The following WDR12 variants were observed in gnomAD, a reference collection of about 807,000 sequenced individuals.
WDR12 encodes the protein WD repeat domain 12.
A neutral mutation model predicts 64.3 loss-of-function variants in WDR12; 42 were observed. The observed-to-expected ratio is 0.65, with a 90% CI of 0.51 to 0.84. WDR12 has a LOEUF of 0.84. Ranked by LOEUF, WDR12 falls within the 40% of genes least tolerant of loss-of-function variation. The pLI is 0.00. For synonymous variants in WDR12, 158 were observed against 173.3 expected, an observed-to-expected ratio of 0.91 and a Z score of 0.70; for missense variants, 469 against 494.6, an observed-to-expected ratio of 0.95 and a Z score of 0.49.
At chr2:202,908,437 G>C (rs1186640910) in intron 1 of WDR12, among the ~76,000 whole-genome samples, 1 of 152,184 alleles carries the variant, frequency 6.6e-6, no homozygotes, top group African/African-American at 2.4e-5. Flanking sequence ...TCCAGCCTGG[G>C]TGACACAGCA....
intron 4 of WDR12, among the ~76,000 whole-genome samples, chr2:202,897,902 A>ATATAT (rs1258653444): frequency 2.7e-3 from 111 of 40,380 alleles, no homozygotes; most frequent in South Asian, 0.016. Flanking sequence ...AAAAAAAAAA[A>ATATAT]AAAAAAATAT....
intron 8 of WDR12, among the ~76,000 whole-genome samples, chr2:202,884,975 C>T (rs1296592334): frequency 6.6e-6 from 1 of 152,156 alleles, no homozygotes; most frequent in Non-Finnish European, 1.5e-5. Context: ...TTCTTCTTGC[C>T]TGTAGTTCTC....
chr2:202,895,994 C>A lies in WDR12; in HGVS notation c.609+71G>T, dbSNP rs548186142. 72 of 1,540,674 alleles carry A rather than the reference C, an allele frequency of 4.7e-5. No individual in the cohort carries two copies. In the East Asian group the frequency reaches 1.5e-3, roughly 33 times the overall value. ...ACTAGGCCAACACAATGAATATATG[C>A]AGAAGAAAATGTTTAGCAACAAGCT... On this transcript the variant is annotated intron_variant, in intron 6 of 12. Transcript: ENST00000261015.
intron 1 of WDR12, among the ~76,000 whole-genome samples, chr2:202,909,715 T>C (rs1688531632): frequency 6.6e-6 from 1 of 152,080 alleles, no homozygotes; most frequent in Non-Finnish European, 1.5e-5. Context: ...TGTGTGACAA[T>C]TATATTAGCC....
rs35649140 is a variant in WDR12, at chr2:202,890,770, C to CA, written c.741+1846dup. 9.9e-5 allele frequency among the ~76,000 whole-genome samples: 12 copies of CA among 121,112 alleles called. No individual in the cohort carries two copies. The East Asian group carries it at 1.2e-3, about 12-fold the overall frequency. 79.5% of individuals were successfully genotyped at this position (121,112 alleles called of 152,430 possible). ...TGGGTGACAGAGCGAGACTCCGTCTCAAAAAAAAAAAAAAAATTTTTTTTT... is the reference window on the plus strand; with the variant it reads ...TGGGTGACAGAGCGAGACTCCGTCTCAAAAAAAAAAAAAAAAATTTTTTTTT... On this transcript the variant is annotated intron_variant, in intron 8 of 12. Transcript: ENST00000261015.
chr2:202,896,327 G>T, intron 5 of WDR12, 108 bp from the exon 6 acceptor site: 2 of 1,247,292 alleles, frequency 1.6e-6, no homozygotes, highest in Admixed American at 2.8e-5. Context: ...TGAAAAAGAT[G>T]TTAAAAAGAT....
intron 1 of WDR12, among the ~76,000 whole-genome samples, chr2:202,908,993 A>C (rs1688515144): frequency 6.6e-6 from 1 of 152,250 alleles, no homozygotes; most frequent in African/African-American, 2.4e-5. Flanking sequence ...AATGAAATAT[A>C]ATTTCACATC....
chr2:202,900,774 ACT>A (rs749368495), intron 3 of WDR12, among the ~76,000 whole-genome samples: 17 of 152,130 alleles, frequency 1.1e-4, no homozygotes, highest in Non-Finnish European at 2.1e-4. Flanking sequence ...TGAATAAAAC[ACT>A]CTCACAAAAA....
intron 6 of WDR12, among the ~76,000 whole-genome samples, chr2:202,895,116 C>T (rs577228126): frequency 8.5e-5 from 13 of 152,308 alleles, no homozygotes; most frequent in Admixed American, 5.2e-4. Flanking sequence ...CTTTTCGGCT[C>T]AATATGAAAA....
intron 4 of WDR12, 24 bp downstream of exon 4, chr2:202,899,507 A>G: frequency 6.3e-7 from 1 of 1,595,166 alleles, no homozygotes; most frequent in Non-Finnish European, 8.5e-7. Flanking sequence ...CAAAAAAAAG[A>G]GAAGGGCATT....
chr2:202,890,192 G>A (rs2105905602), intron 8 of WDR12, among the ~76,000 whole-genome samples: 1 of 152,246 alleles, frequency 6.6e-6, no homozygotes, highest in Non-Finnish European at 1.5e-5. Flanking sequence ...TCAGGCCACT[G>A]TACTCCAGCC....
In WDR12 at chr2:202,882,753, A is replaced by G; in HGVS notation, c.1152T>C (p.Ala384=). 3 of 1,614,108 alleles carry G rather than the reference A, an allele frequency of 1.9e-6. No individual in the cohort carries two copies. Among genetic ancestry groups the G allele is most frequent in the Non-Finnish European group, 2.5e-6 (3 of 1,179,944 alleles). ...CTACACTCAGAACTTTGTCTTCATGAGCAGCCAGATCATAGAGAGGAGCCT... is the reference window on the plus strand; with the variant it reads ...CTACACTCAGAACTTTGTCTTCATGGGCAGCCAGATCATAGAGAGGAGCCT... The part of the protein sequence containing the change: ...SCKAPLYDLA[A]HEDKVLSVDW... The change falls in exon 12 of 13, where the codon GCT becomes GCC. Residue 384 remains alanine (A), a synonymous_variant. Coordinates refer to ENST00000261015, the MANE Select transcript of WDR12 (RefSeq NM_018256.4).
intron 4 of WDR12, among the ~76,000 whole-genome samples, chr2:202,898,626 G>C (rs1353048701): frequency 6.6e-6 from 1 of 152,180 alleles, no homozygotes; most frequent in Non-Finnish European, 1.5e-5. Context: ...TTTGCCCTAA[G>C]ATATCTGTAC....
rs138156035 is a variant in WDR12 at position 202,902,761 on chromosome 2, C to T, written c.137-1642G>A. Among the ~76,000 whole-genome samples, 875 of 152,232 alleles carry T rather than the reference C, an allele frequency of 5.7e-3. 7 individuals carry two copies. Among genetic ancestry groups the T allele is most frequent in the Non-Finnish European group, 6.7e-3 (458 of 68,006 alleles). On this transcript the variant is annotated intron_variant, in intron 2 of 12. Coordinates refer to ENST00000261015, the MANE Select transcript of WDR12 (RefSeq NM_018256.4). ...GCTCCTCATCTTGCAGACAGCCTATCGTAGGACTTCATCTTGTGATCGTGT... is the reference window on the plus strand; with the variant it reads ...GCTCCTCATCTTGCAGACAGCCTATTGTAGGACTTCATCTTGTGATCGTGT...
At chr2:202,904,513 A>C (rs551985114) in intron 2 of WDR12, among the ~76,000 whole-genome samples, 1 of 152,304 alleles carries the variant, frequency 6.6e-6, no homozygotes, top group South Asian at 2.1e-4. Context: ...AATGGAACAG[A>C]ATAGAGAAGC....
At position 202,874,738 on chromosome 2, in the gene WDR12, A is replaced by C. The variant is rs898223540; in HGVS notation, c.*6122T>G. 2 of 152,204 alleles carry C rather than the reference A, an allele frequency of 1.3e-5. No individual in the cohort carries two copies. Among genetic ancestry groups the C allele is most frequent in the Non-Finnish European group, 2.9e-5 (2 of 68,026 alleles). 9.4% of individuals were successfully genotyped at this position (152,204 alleles called of 1,614,324 possible). ...TGGGGCCATGGAGAGCTATCTTCCC[A>C]GATACCCAAATGAGTAATTAGATAC... On this transcript the variant is annotated 3_prime_UTR_variant, in exon 13 of 13. Coordinates refer to ENST00000261015, the MANE Select transcript of WDR12 (RefSeq NM_018256.4).
Position 202,880,490 on chromosome 2 carries a change from G to C in WDR12, c.*370C>G, listed in dbSNP as rs776871985. 1 of 153,972 alleles carries C rather than the reference G, an allele frequency of 6.5e-6. No individual in the cohort carries two copies. 9.5% of individuals were successfully genotyped at this position (153,972 alleles called of 1,614,324 possible). On this transcript the variant is annotated 3_prime_UTR_variant, in exon 13 of 13. Coordinates refer to ENST00000261015, the MANE Select transcript of WDR12 (RefSeq NM_018256.4). ...TTGAACCTAGGAAGCGGAGGTTGCA[G>C]TGAGTTGAGATTGCGCCACTGCACT...
At position 202,876,541 on chromosome 2, in the gene WDR12, T is replaced by C. The variant is rs970632716; in HGVS notation, c.*4319A>G. ...ATGAAATCTGATTCTAATTAGTGGC[T>C]TTTTAAATAAAAAAGATATTATTGG... On this transcript the variant is annotated 3_prime_UTR_variant, in exon 13 of 13. Transcript: ENST00000261015. 14 of 152,212 alleles carry C rather than the reference T, an allele frequency of 9.2e-5. No homozygotes were observed. The highest frequency in any genetic ancestry group is 3.4e-4 in the African/African-American group (14 of 41,448). 9.4% of individuals were successfully genotyped at this position (152,212 alleles called of 1,614,324 possible). A position where few individuals can be genotyped will look rare whatever the true frequency, so the allele number is the denominator to read the frequency against.
In WDR12 at chr2:202,897,309, C is replaced by G; in HGVS notation, c.445G>C (p.Val149Leu). 1 of 1,595,794 alleles carries G rather than the reference C, an allele frequency of 6.3e-7. No individual in the cohort carries two copies. Among genetic ancestry groups the G allele is most frequent in the East Asian group, 2.3e-5 (1 of 43,512 alleles). The change falls in exon 5 of 13, where the codon GTG (valine) becomes CTG (leucine). Residue 149 changes from valine (V) to leucine (L), a missense_variant. Val to Leu is a conservative substitution (Grantham distance 32). Transcript: ENST00000261015. Reference protein sequence around the residue: ...HTDVVKDVAWVKKDSLSCLLL... With the variant: ...HTDVVKDVAWLKKDSLSCLLL... ...GGCAAACTGTCCTAACCTTTTTTCA[C>G]CCAGGCCACATCTTTTACAACATCC...
Sources: gnomAD v4.1 joint callset for allele counts (sites outside exome capture counted in the v4.1 genomes callset) on GRCh38, gnomAD v4.1.1 for gene constraint, MANE v1.5 for transcripts, NCBI Gene and HGNC (gene_info 2026-07-23, HGNC 2026-07-21) for gene names.